Variants in LMO7 observed in about 807,000 individuals in gnomAD.
The protein encoded by LMO7 is LIM domain only protein 7.
In LMO7, 120 loss-of-function variants were observed where a neutral mutation model predicts 206.5. The observed-to-expected ratio is 0.58, with a 90% CI of 0.50 to 0.68. The LOEUF (loss-of-function observed/expected upper bound fraction) is 0.68, where lower values mean the gene tolerates loss of function less well. Ranked by LOEUF, LMO7 falls within the 30% of genes least tolerant of loss-of-function variation. The pLI is 0.00. For missense variants in LMO7, 1,959 were observed against 1,957.9 expected, an observed-to-expected ratio of 1.00 and a Z score of -0.01; for synonymous variants, 706 against 681.5, an observed-to-expected ratio of 1.04 and a Z score of -0.56.
chr13:75,836,656 C>T (rs1018542966), intron 19 of LMO7, among the ~76,000 whole-genome samples, 199 bp downstream of exon 19: 1 of 152,198 alleles, frequency 6.6e-6, no homozygotes, highest in African/African-American at 2.4e-5. Flanking sequence ...TCAGGCACTG[C>T]AAACAAAGCT....
chr13:75,735,329 A>T (rs1315467584), intron 3 of LMO7, among the ~76,000 whole-genome samples: 1 of 151,944 alleles, frequency 6.6e-6, no homozygotes, highest in Non-Finnish European at 1.5e-5. Context: ...AAATGGGAGA[A>T]CACCTAAGAT....
chr13:75,805,490 G>C lies in LMO7; in HGVS notation c.926G>C (p.Arg309Thr). 2 of 1,613,836 alleles carry C rather than the reference G, an allele frequency of 1.2e-6. No homozygotes were observed. Among genetic ancestry groups the C allele is most frequent in the Non-Finnish European group, 1.7e-6 (2 of 1,179,760 alleles). ...ADGTFSSNQR[R>T]IWGTNVENWP... ...GATGTTTTGAACAGTAATCAGAGGA[G>C]GATTTGGGGCACCAATGTGGAGAAC... is the stretch of plus-strand genomic sequence containing the variant. The change falls in exon 9 of 31, where the codon AGG becomes ACG. Residue 309 changes from arginine (R) to threonine (T), a missense_variant. Coordinates refer to ENST00000377534, the MANE Select transcript of LMO7 (RefSeq NM_001306080.2).
intron 18 of LMO7, 64 bp from the exon 19 acceptor site, chr13:75,836,333 A>G: frequency 1.3e-6 from 1 of 798,492 alleles, no homozygotes; most frequent in East Asian, 2.8e-5. Flanking sequence ...CTAATGCGAA[A>G]TGCATTATTT....
chr13:75,806,739 G>A (rs2055535369), intron 9 of LMO7: 1 of 152,174 alleles, frequency 6.6e-6, no homozygotes, highest in Non-Finnish European at 1.5e-5. Flanking sequence ...ATTGCATAAA[G>A]TGCATGATGC....
chr13:75,853,199 T>TTAGTCG lies in LMO7; in HGVS notation c.4473_4478dup (p.Ser1492_Arg1493dup), dbSNP rs2060635450. 6.2e-7 allele frequency: 1 copy of TTAGTCG among 1,614,020 alleles called. No homozygotes were observed. The highest frequency in any genetic ancestry group is 1.3e-5 in the African/African-American group (1 of 74,904). On this transcript the variant is annotated inframe_insertion, in exon 28 of 31. Transcript: ENST00000377534. ...TATGCTTCTTCCTCTGTGCAAGACT[T>TTAGTCG]TAGTCGCCCACCACCTCAGCTGGTG...
intron 1 of LMO7, among the ~76,000 whole-genome samples, chr13:75,672,073 C>G (rs1290877516): frequency 6.6e-6 from 1 of 152,048 alleles, no homozygotes; most frequent in East Asian, 1.9e-4. Flanking sequence ...GGACTCCCTG[C>G]AGATACCAAC....
chr13:75,640,680 C>T (rs2036450097), intron 1 of LMO7, among the ~76,000 whole-genome samples: 1 of 152,092 alleles, frequency 6.6e-6, no homozygotes, highest in Admixed American at 6.5e-5. Context: ...TGGCATGGTG[C>T]CTGCTAAATG....
At chr13:75,634,737 C>T (rs984542966), upstream of LMO7, among the ~76,000 whole-genome samples, 2 of 150,144 alleles carry the variant, frequency 1.3e-5, no homozygotes, top group African/African-American at 4.9e-5. Context: ...AGCGAGACTC[C>T]TCAAAAACAA....
At position 75,705,960 on chromosome 13, in the gene LMO7, G is replaced by C. The variant is rs1047960593; in HGVS notation, c.70-7222G>C. ...ACAGACATTTATCTGCTAAGATGCA[G>C]CTTCTTACTTTCATTCTACAGATGG... On this transcript the variant is annotated intron_variant, in intron 1 of 30. Transcript: ENST00000377534. 2.8e-5 allele frequency among the ~76,000 whole-genome samples: 4 copies of C among 145,114 alleles called. No individual in the cohort carries two copies. The South Asian group carries it at 6.7e-4, about 24-fold the overall frequency.
chr13:75,804,285 A>G lies in LMO7; in HGVS notation c.662-4A>G, dbSNP rs190172966. The G allele has an allele frequency of 1.9e-6, 3 of 1,609,906 alleles. No individual in the cohort carries two copies. Among genetic ancestry groups the G allele is most frequent in the African/African-American group, 1.3e-5 (1 of 74,848 alleles). On this transcript the variant is annotated splice_polypyrimidine_tract_variant and splice_region_variant and intron_variant, in intron 7 of 30. Transcript: ENST00000377534. ...TAAAGCAAATTCTTGTGCCTTCTTT[A>G]TAGGTTTTGAAAGTGACACAGATTC...
intron 15 of LMO7, among the ~76,000 whole-genome samples, chr13:75,827,808 A>G (rs2058268196): frequency 6.6e-6 from 1 of 152,220 alleles, no homozygotes; most frequent in Admixed American, 6.5e-5. Context: ...TTTTTAAAGC[A>G]GTAACCCCCA....
intron 15 of LMO7, among the ~76,000 whole-genome samples, chr13:75,827,831 C>T (rs1595358850): frequency 6.6e-6 from 1 of 152,200 alleles, no homozygotes; most frequent in Admixed American, 6.5e-5. Flanking sequence ...CGGGATGACA[C>T]GTGTGGAAGG....
chr13:75,689,788 A>G (rs1461128464), intron 1 of LMO7, among the ~76,000 whole-genome samples: 1 of 152,190 alleles, frequency 6.6e-6, no homozygotes, highest in Non-Finnish European at 1.5e-5. Context: ...CTTCAGCCAC[A>G]GACTGGAGAT....
At position 75,817,291 on chromosome 13, in the gene LMO7, G is replaced by A. The variant is rs774592811; in HGVS notation, c.2064+13G>A. On this transcript the variant is annotated intron_variant, in intron 12 of 30. Coordinates refer to ENST00000377534, the MANE Select transcript of LMO7 (RefSeq NM_001306080.2). The stretch of plus-strand genomic sequence containing the variant: ...GAAATGGCAGGATGTGAGTATTTTG[G>A]GGATTGGAGGGGAGAGAGTGTATTT... 13 of 1,477,184 alleles carry A rather than the reference G, an allele frequency of 8.8e-6. No individual in the cohort carries two copies. The highest frequency in any genetic ancestry group is 1.7e-5 in the Admixed American group (1 of 59,778). 91.5% of individuals were successfully genotyped at this position (1,477,184 alleles called of 1,614,324 possible).
chr13:75,835,421 T>C, intron 18 of LMO7, 82 bp downstream of exon 18: 3 of 858,296 alleles, frequency 3.5e-6, no homozygotes, highest in Non-Finnish European at 5.2e-6. Context: ...TAATTTCTTT[T>C]GTTTGTACAA....
chr13:75,667,980 G>C (rs1316847373), intron 1 of LMO7, among the ~76,000 whole-genome samples: 1 of 152,184 alleles, frequency 6.6e-6, no homozygotes, highest in African/African-American at 2.4e-5. Context: ...AGGCAAGGTG[G>C]GCAGATTACT....
intron 2 of LMO7, among the ~76,000 whole-genome samples, chr13:75,723,550 ATT>A (rs955825172): frequency 6.6e-6 from 1 of 152,218 alleles, no homozygotes; most frequent in Non-Finnish European, 1.5e-5. Context: ...TCTGGACACT[ATT>A]AGAAATAGAG....
At chr13:75,829,767 G>A (rs1404890351) in intron 15 of LMO7, among the ~76,000 whole-genome samples, 1 of 151,904 alleles carries the variant, frequency 6.6e-6, no homozygotes, top group African/African-American at 2.4e-5. Context: ...GCAGAAATAA[G>A]TGTTACTGTT....
At chr13:75,713,996 C>T (rs1272044613) in intron 2 of LMO7, among the ~76,000 whole-genome samples, 1 of 152,200 alleles carries the variant, frequency 6.6e-6, no homozygotes, top group Non-Finnish European at 1.5e-5. Context: ...TAAGAATGTA[C>T]TTGAGTACTC....
Sources: gnomAD v4.1 joint callset for allele counts (sites outside exome capture counted in the v4.1 genomes callset) on GRCh38, gnomAD v4.1.1 for gene constraint, MANE v1.5 for transcripts, NCBI Gene and HGNC (gene_info 2026-07-23, HGNC 2026-07-21) for gene names.